AIG1: variants seen among roughly 807,000 people sequenced by gnomAD.
AIG1 encodes androgen induced 1, also known as androgen-induced gene 1 protein.
A neutral mutation model predicts 31.4 loss-of-function variants in AIG1; 23 were observed. The observed-to-expected ratio is 0.73, with a 90% confidence interval of 0.53 to 1.04. The LOEUF is 1.04. Ranked by LOEUF, AIG1 falls within the 50% of genes least tolerant of loss-of-function variation. AIG1 has a pLI of 0.00. For synonymous variants in AIG1, 100 were observed against 110.5 expected (o/e 0.90, Z 0.60); for missense variants, 274 against 295.0 (o/e 0.93, Z 0.52).
intron 3 of AIG1, among the ~76,000 whole-genome samples, chr6:143,237,667 C>A (rs1389244463): frequency 6.6e-6 from 1 of 152,174 alleles, no homozygotes; most frequent in Non-Finnish European, 1.5e-5. Flanking sequence ...AAAACAATTT[C>A]TACTCTAACC....
chr6:143,182,066 C>T (rs1331537031), intron 3 of AIG1, among the ~76,000 whole-genome samples: 1 of 151,956 alleles, frequency 6.6e-6, no homozygotes, highest in Non-Finnish European at 1.5e-5. Flanking sequence ...TGTTGCACAG[C>T]CCAGGCTGAA....
chr6:143,079,452 T>G (rs1166634613), intron 1 of AIG1, among the ~76,000 whole-genome samples: 1 of 152,172 alleles, frequency 6.6e-6, no homozygotes. Context: ...TAGTTCCCAA[T>G]GCACCTGTCA....
intron 3 of AIG1, among the ~76,000 whole-genome samples, chr6:143,248,718 T>G (rs1220241616): frequency 6.6e-6 from 1 of 152,196 alleles, no homozygotes; most frequent in East Asian, 1.9e-4. Flanking sequence ...AAAATAGGTG[T>G]GCTTCATCCT....
rs9403436 is a variant in AIG1, at chr6:143,077,275, C to T, written c.141+16209C>T. Among the ~76,000 whole-genome samples the T allele has an allele frequency of 2.8e-3, 421 of 152,172 alleles. 10 individuals are homozygous for T. The East Asian group carries it at 0.049, about 18-fold the overall frequency. On this transcript the variant is annotated intron_variant, in intron 1 of 5. Transcript: ENST00000357847. Reference sequence around the variant, plus strand: ...TAGTATAGTAAAATATTATGTTACCCAGATATTTACCATTTCTGTTGCTCT... The same window carrying T: ...TAGTATAGTAAAATATTATGTTACCTAGATATTTACCATTTCTGTTGCTCT...
chr6:143,294,909 T>C (rs1051816420), intron 4 of AIG1, among the ~76,000 whole-genome samples: 2 of 152,138 alleles, frequency 1.3e-5, no homozygotes, highest in African/African-American at 4.8e-5. Context: ...TTCCAGGTCC[T>C]CTTGTTTTAC....
chr6:143,274,121 G>A (rs1019218633), intron 3 of AIG1, among the ~76,000 whole-genome samples: 1 of 152,086 alleles, frequency 6.6e-6, no homozygotes, highest in Non-Finnish European at 1.5e-5. Context: ...TGAATGGTGG[G>A]GCGATGAGAG....
intron 3 of AIG1, among the ~76,000 whole-genome samples, chr6:143,272,075 T>C (rs1796563613): frequency 6.6e-6 from 1 of 152,200 alleles, no homozygotes; most frequent in African/African-American, 2.4e-5. Context: ...TAGCATTATG[T>C]GGTATATTAC....
intron 1 of AIG1, among the ~76,000 whole-genome samples, chr6:143,090,070 C>G: frequency 6.6e-6 from 1 of 152,164 alleles, no homozygotes; most frequent in Non-Finnish European, 1.5e-5. Flanking sequence ...TTCATCCTCT[C>G]CTCATTTTAG....
At chr6:143,322,792 A>G (rs1385977509) in intron 4 of AIG1, among the ~76,000 whole-genome samples, 2 of 152,242 alleles carry the variant, frequency 1.3e-5, no homozygotes, top group South Asian at 2.1e-4. Flanking sequence ...ACCTCATTAC[A>G]GGAATTCATT....
intron 2 of AIG1, among the ~76,000 whole-genome samples, chr6:143,163,783 C>T (rs902441587): frequency 1.3e-5 from 2 of 152,162 alleles, no homozygotes; most frequent in Non-Finnish European, 2.9e-5. Flanking sequence ...CCTTTCTTTT[C>T]CTTGGCTTTG....
intron 3 of AIG1, among the ~76,000 whole-genome samples, chr6:143,195,834 GAA>G (rs1367785538): frequency 6.6e-6 from 1 of 150,970 alleles, no homozygotes; most frequent in East Asian, 1.9e-4. Context: ...GTGACCACAA[GAA>G]AAGCCGCCAG....
rs1583679328 is a variant in AIG1 at position 143,268,693 on chromosome 6, G to A, written c.400-15417G>A. On this transcript the variant is annotated intron_variant, in intron 3 of 5. Coordinates refer to ENST00000357847, the MANE Select transcript of AIG1 (RefSeq NM_016108.4). The surrounding 1 kb of genome is among the most constrained non-coding windows in gnomAD (Gnocchi z 5.0). ...GGATTGTCAGAATCTGTTAACTGTA[G>A]GTATGCCATCTATGGATTTTAAAAT... Among the ~76,000 whole-genome samples, 1 of 152,174 alleles carries A rather than the reference G, an allele frequency of 6.6e-6. No individual in the cohort carries two copies. Among genetic ancestry groups the A allele is most frequent in the East Asian group, 1.9e-4 (1 of 5,194 alleles).
downstream of AIG1, chr6:143,342,668 G>A: frequency 4.9e-6 from 6 of 1,225,562 alleles, no homozygotes; most frequent in Middle Eastern, 2.1e-4. Context: ...TGATTGGTTG[G>A]ATAGCATAAG....
chr6:143,292,842 A>G lies in AIG1; in HGVS notation c.515+8617A>G, dbSNP rs6937554. ...TAACTGGCACTCAGTTCCAGTGGCC[A>G]TTGTTGTTCTGTTTATACGCTAGGA... is the stretch of plus-strand genomic sequence containing the variant. On this transcript the variant is annotated intron_variant, in intron 4 of 5. Transcript: ENST00000357847. This position sits in a 1 kb window ranked among gnomAD's most constrained non-coding sequence, Gnocchi z 4.9. 6.6e-6 allele frequency among the ~76,000 whole-genome samples: 1 copy of G among 151,954 alleles called. No homozygotes were observed. Among genetic ancestry groups the G allele is most frequent in the Non-Finnish European group, 1.5e-5 (1 of 67,984 alleles).
intron 3 of AIG1, among the ~76,000 whole-genome samples, chr6:143,222,129 C>G (rs1441806955): frequency 6.6e-6 from 1 of 152,148 alleles, no homozygotes; most frequent in Non-Finnish European, 1.5e-5. Flanking sequence ...CCTTCCTTGA[C>G]AGAATGTGAA....
chr6:143,092,730 A>G (rs1043368726), intron 1 of AIG1, among the ~76,000 whole-genome samples: 13 of 152,122 alleles, frequency 8.5e-5, no homozygotes, highest in African/African-American at 3.1e-4. Flanking sequence ...TTAGCCCCTA[A>G]CAAGAGAGTA....
chr6:143,334,181 C>T lies in AIG1; in HGVS notation c.679+736C>T. On this transcript the variant is annotated intron_variant, in intron 5 of 5. Coordinates refer to ENST00000357847, the MANE Select transcript of AIG1 (RefSeq NM_016108.4). This position sits in a 1 kb window ranked among gnomAD's most constrained non-coding sequence, Gnocchi z 5.1. ...AATTGAAAGGTGGAAAAAGCGCCAG[C>T]ACAGACATGTAGTGATTGAGTCCTG... The T allele has an allele frequency of 7.3e-7, 1 of 1,374,812 alleles. No homozygotes were observed. Among genetic ancestry groups the T allele is most frequent in the Non-Finnish European group, 1.0e-6 (1 of 997,676 alleles). 85.2% of individuals were successfully genotyped at this position (1,374,812 alleles called of 1,614,324 possible). A position where few individuals can be genotyped will look rare whatever the true frequency, so the allele number is the denominator to read the frequency against.
chr6:143,226,244 A>ATT (rs1484988986), intron 3 of AIG1, among the ~76,000 whole-genome samples: 1 of 135,394 alleles, frequency 7.4e-6, no homozygotes, highest in African/African-American at 2.6e-5. Flanking sequence ...CTATATATAT[A>ATT]TATTTTTTTT....
rs894165162 is a variant in AIG1, at chr6:143,338,030, AC to A, written c.680-1603del. ...ATTTTCCCTCTCTAGGTCAATGAAT[AC>A]CCCCCGTTCTCCACCCGCGCTTTTG... On this transcript the variant is annotated intron_variant, in intron 5 of 5. Coordinates refer to ENST00000357847, the MANE Select transcript of AIG1 (RefSeq NM_016108.4). The surrounding 1 kb of genome is among the most constrained non-coding windows in gnomAD (Gnocchi z 4.3). 2.5e-6 allele frequency: 1 copy of A among 398,222 alleles called. No homozygotes were observed. The allele number at this position is 398,222 out of a possible 1,614,324, so 24.7% of individuals were successfully genotyped here.
Sources: gnomAD v4.1 joint callset for allele counts (sites outside exome capture counted in the v4.1 genomes callset) on GRCh38, gnomAD v4.1.1 for gene constraint, Gnocchi (gnomAD v3.1) non-coding constraint, MANE v1.5 for transcripts, NCBI Gene and HGNC (gene_info 2026-07-23, HGNC 2026-07-21) for gene names.